Variants in PDE10A observed in about 807,000 individuals in gnomAD.
PDE10A encodes the protein cAMP and cAMP-inhibited cGMP 3',5'-cyclic phosphodiesterase 10A.
A neutral mutation model predicts 97.7 loss-of-function variants in PDE10A; 39 were observed. That is an observed-to-expected ratio of 0.40 (90% CI 0.31 to 0.52). PDE10A has a LOEUF of 0.52. Ranked by LOEUF, PDE10A falls within the 20% of genes least tolerant of loss-of-function variation. PDE10A has a pLI of 0.56. For synonymous variants in PDE10A, 371 were observed against 376.8 expected (o/e 0.98, Z 0.18); for missense variants, 731 against 1,047.8 (o/e 0.70, Z 4.17).
At chr6:165,718,862 T>C (rs1302445792) in intron 1 of PDE10A, among the ~76,000 whole-genome samples, 2 of 151,562 alleles carry the variant, frequency 1.3e-5, no homozygotes, top group Non-Finnish European at 2.9e-5. Flanking sequence ...GAGGCTAAAA[T>C]AATAAACAGT....
chr6:165,826,450 T>C (rs531981180), intron 1 of PDE10A, among the ~76,000 whole-genome samples: 1 of 150,252 alleles, frequency 6.7e-6, no homozygotes, highest in South Asian at 2.1e-4. Context: ...CCTTTGTCCC[T>C]GTGTCTCTCT....
intron 1 of PDE10A, among the ~76,000 whole-genome samples, chr6:165,824,275 A>G (rs904086620): frequency 6.6e-6 from 1 of 152,242 alleles, no homozygotes; most frequent in East Asian, 1.9e-4. Context: ...TTTCAAAAAA[A>G]TTATCACATT....
chr6:165,637,689 G>A (rs1254729256), intron 1 of PDE10A, among the ~76,000 whole-genome samples: 3 of 152,160 alleles, frequency 2.0e-5, no homozygotes, highest in Non-Finnish European at 2.9e-5. Flanking sequence ...TCCAAGGATC[G>A]GAAAAAGAAA....
At chr6:165,634,169 G>A (rs145316094) in intron 1 of PDE10A, among the ~76,000 whole-genome samples, 41 of 152,258 alleles carry the variant, frequency 2.7e-4, no homozygotes, top group Admixed American at 2.0e-3. Context: ...TTCAGGCCAT[G>A]TGCTTTGAGA....
At chr6:165,518,526 G>A (rs79491307) in intron 2 of PDE10A, among the ~76,000 whole-genome samples, 12,707 of 152,084 alleles carry the variant, frequency 0.084, 616 homozygotes, top group South Asian at 0.12. Flanking sequence ...GGGATCAACC[G>A]TCCTGGTATC....
At chr6:165,395,381 A>AT in intron 14 of PDE10A, 117 bp from the exon 15 acceptor site, 1 of 644,530 alleles carries the variant, frequency 1.6e-6, no homozygotes, top group Non-Finnish European at 2.7e-6. Context: ...GAGCTCAGCC[A>AT]TCCCTTTTCC....
At chr6:165,809,535 G>GCT (rs1394004844) in intron 1 of PDE10A, among the ~76,000 whole-genome samples, 1 of 152,110 alleles carries the variant, frequency 6.6e-6, no homozygotes, top group Non-Finnish European at 1.5e-5. Flanking sequence ...TACCCACACT[G>GCT]CAAGGATGGC....
At position 165,527,470 on chromosome 6, in the gene PDE10A, G is replaced by A. The variant is rs140329672; in HGVS notation, c.994+15970C>T. On this transcript the variant is annotated intron_variant, in intron 2 of 21. Coordinates refer to ENST00000539869, the MANE Select transcript of PDE10A (RefSeq NM_001385079.1). ...CAGGTCCCCATAGGTGAACCACAGC[G>A]GAGGCCTCTAGGATTTTGGAGCAAG... Among the ~76,000 whole-genome samples, 515 of 152,252 alleles carry A rather than the reference G, an allele frequency of 3.4e-3. 1 individual carries two copies. The highest frequency in any genetic ancestry group is 5.5e-3 in the Non-Finnish European group (373 of 68,016).
chr6:165,666,108 C>A (rs963376323), upstream of PDE10A, among the ~76,000 whole-genome samples: 1 of 152,104 alleles, frequency 6.6e-6, no homozygotes, highest in African/African-American at 2.4e-5. Context: ...TAGCCATGCA[C>A]CCATTTTAAT....
Position 165,432,988 on chromosome 6 carries a change from G to A in PDE10A, c.1477C>T (p.Leu493Phe). 1.2e-6 allele frequency: 2 copies of A among 1,613,764 alleles called. No individual in the cohort carries two copies. Among genetic ancestry groups the A allele is most frequent in the Non-Finnish European group, 1.7e-6 (2 of 1,179,832 alleles). ...AAAGGCCTTACCTCCTGGTGACTAA[G>A]ACAGAAGGCTTCTTTGCCCCAGTGC... ...YRHWGKEAFC[L>F]SHQEVATANL... Residue 493 changes from leucine to phenylalanine, a missense_variant, in exon 7 of 22, where the codon CTT (leucine) becomes TTT (phenylalanine). By Grantham distance (22) the Leu-to-Phe change is conservative. Transcript: ENST00000539869.
chr6:165,577,042 G>A (rs1442100219), intron 1 of PDE10A, among the ~76,000 whole-genome samples: 1 of 152,222 alleles, frequency 6.6e-6, no homozygotes, highest in Non-Finnish European at 1.5e-5. Context: ...TCAAAACAAA[G>A]TCCATTAGCA....
At chr6:165,525,469 G>A (rs1782383907) in intron 2 of PDE10A, among the ~76,000 whole-genome samples, 1 of 152,140 alleles carries the variant, frequency 6.6e-6, no homozygotes, top group African/African-American at 2.4e-5. Flanking sequence ...CGTAGAGGAA[G>A]GGATCCAAAG....
At chr6:165,512,521 A>G (rs941709522) in intron 2 of PDE10A, among the ~76,000 whole-genome samples, 10 of 151,966 alleles carry the variant, frequency 6.6e-5, no homozygotes, top group Non-Finnish European at 1.3e-4. Flanking sequence ...TGAGAAATCC[A>G]TTATTAGTCT....
intron 17 of PDE10A, among the ~76,000 whole-genome samples, chr6:165,386,775 G>A (rs1411669307): frequency 2.0e-5 from 3 of 151,872 alleles, no homozygotes; most frequent in African/African-American, 7.3e-5. Flanking sequence ...GGCTGAGGCG[G>A]GCGGATCACA....
At chr6:165,940,599 G>A (rs537417092) in intron 1 of PDE10A, 1 of 152,272 alleles carries the variant, frequency 6.6e-6, no homozygotes, top group African/African-American at 2.4e-5. Flanking sequence ...GTGCAGTCAC[G>A]GGGCTCACGT....
At chr6:165,896,756 C>A (rs1433324527) in intron 1 of PDE10A, among the ~76,000 whole-genome samples, 1 of 152,038 alleles carries the variant, frequency 6.6e-6, no homozygotes, top group Non-Finnish European at 1.5e-5. Flanking sequence ...GACCTCCTGA[C>A]CTCGTGATCC....
At chr6:165,897,415 A>AT (rs1781983712) in intron 1 of PDE10A, among the ~76,000 whole-genome samples, 1 of 151,916 alleles carries the variant, frequency 6.6e-6, no homozygotes, top group Admixed American at 6.6e-5. Flanking sequence ...ACCATCCAGT[A>AT]TTTGGGGGTG....
chr6:165,855,308 G>T lies in PDE10A; in HGVS notation c.-615+132221C>A, dbSNP rs75332492. 5.0e-3 allele frequency among the ~76,000 whole-genome samples: 227 copies of T among 45,198 alleles called. 5 individuals are homozygous for T. The highest frequency in any genetic ancestry group is 0.012 in the African/African-American group (221 of 19,098). The allele number at this position is 45,198 out of a possible 152,430, so 29.7% of individuals were successfully genotyped here. ...TCATAGGCGGCGCGGGAAGTGGCGG[G>T]GGGGGGGGGGGACTCAGGGGCGCTG... On this transcript the variant is annotated intron_variant, in intron 1 of 19. Transcript: ENST00000366882.
chr6:165,665,152 A>G (rs1790466701), upstream of PDE10A, among the ~76,000 whole-genome samples: 1 of 152,236 alleles, frequency 6.6e-6, no homozygotes, highest in South Asian at 2.1e-4. Context: ...TTGAGGATGG[A>G]GTTTACTGAT....
Sources: gnomAD v4.1 joint callset for allele counts (sites outside exome capture counted in the v4.1 genomes callset) on GRCh38, gnomAD v4.1.1 for gene constraint, MANE v1.5 for transcripts, NCBI Gene and HGNC (gene_info 2026-07-23, HGNC 2026-07-21) for gene names.